The following SLC2A13 variants were observed in gnomAD, a reference collection of about 807,000 sequenced individuals.
The protein encoded by SLC2A13 is proton myo-inositol cotransporter.
SLC2A13 carries 32 observed loss-of-function variants against 64.4 expected under a neutral mutation model. That is an observed-to-expected ratio of 0.50 (90% CI 0.37 to 0.67). The LOEUF is 0.67. Ranked by LOEUF, SLC2A13 falls within the 30% of genes least tolerant of loss-of-function variation. The probability of loss-of-function intolerance (pLI) is 0.00; values close to 1 mark genes in which losing one functional copy is unlikely to be tolerated. For missense variants in SLC2A13, 743 were observed against 829.2 expected (o/e 0.90, Z 1.28); for synonymous variants, 338 against 327.1 (o/e 1.03, Z -0.36).
intron 3 of SLC2A13, among the ~76,000 whole-genome samples, chr12:39,956,454 T>G (rs1319493874): frequency 6.6e-6 from 1 of 152,216 alleles, no homozygotes; most frequent in African/African-American, 2.4e-5. Context: ...ATGTAAATTA[T>G]TCCTCAATAG....
chr12:39,928,627 T>C (rs1471185406), intron 4 of SLC2A13, among the ~76,000 whole-genome samples: 1 of 152,216 alleles, frequency 6.6e-6, no homozygotes, highest in Non-Finnish European at 1.5e-5. Context: ...TTAAATGGCT[T>C]ATGAAAGATG....
chr12:39,773,270 T>A (rs868274644), intron 7 of SLC2A13, among the ~76,000 whole-genome samples: 1 of 152,172 alleles, frequency 6.6e-6, no homozygotes, highest in Non-Finnish European at 1.5e-5. Context: ...CAGAATTGCA[T>A]GCAATCAGGT....
intron 6 of SLC2A13, among the ~76,000 whole-genome samples, chr12:39,832,597 T>A (rs574811387): frequency 6.6e-6 from 1 of 152,216 alleles, no homozygotes; most frequent in Non-Finnish European, 1.5e-5. Flanking sequence ...ACCTACTATG[T>A]GCCACACACT....
intron 2 of SLC2A13, among the ~76,000 whole-genome samples, chr12:40,042,842 G>A (rs1383881395): frequency 6.6e-6 from 1 of 150,704 alleles, no homozygotes; most frequent in Non-Finnish European, 1.5e-5. Flanking sequence ...ATTATGAAAA[G>A]ACAAAGGAAC....
chr12:39,778,046 T>A (rs1940840198), intron 7 of SLC2A13, among the ~76,000 whole-genome samples: 1 of 152,166 alleles, frequency 6.6e-6, no homozygotes, highest in South Asian at 2.1e-4. Flanking sequence ...CCCTAGACAC[T>A]GCCATGGGGT....
At chr12:40,015,239 A>C (rs1195945171) in intron 3 of SLC2A13, among the ~76,000 whole-genome samples, 6 of 151,790 alleles carry the variant, frequency 4.0e-5, no homozygotes, top group Non-Finnish European at 8.8e-5. Flanking sequence ...AGCCAAGGAG[A>C]CCTATGCAAT....
intron 4 of SLC2A13, among the ~76,000 whole-genome samples, chr12:39,948,999 C>T (rs142692650): frequency 1.3e-5 from 2 of 152,158 alleles, no homozygotes; most frequent in Non-Finnish European, 2.9e-5. Context: ...AAGATACATA[C>T]ATATACACAC....
intron 1 of SLC2A13, among the ~76,000 whole-genome samples, chr12:40,104,797 C>G (rs1939249793): frequency 1.3e-5 from 2 of 152,184 alleles, no homozygotes. Flanking sequence ...TGTAACTTGA[C>G]GATGGTCTAG....
chr12:40,066,153 T>G (rs973061362), intron 1 of SLC2A13, among the ~76,000 whole-genome samples: 6 of 152,130 alleles, frequency 3.9e-5, no homozygotes. Context: ...TAACTTTGAG[T>G]CCCTGGAACC....
chr12:40,015,124 A>G (rs1787931827), intron 3 of SLC2A13, among the ~76,000 whole-genome samples: 1 of 152,144 alleles, frequency 6.6e-6, no homozygotes, highest in South Asian at 2.1e-4. Context: ...TTATCTGAGT[A>G]CTTAAGACTA....
At chr12:39,974,358 G>A (rs1946725289) in intron 3 of SLC2A13, among the ~76,000 whole-genome samples, 1 of 152,156 alleles carries the variant, frequency 6.6e-6, no homozygotes, top group African/African-American at 2.4e-5. Flanking sequence ...AGAGAGGGTT[G>A]GGGCCATATC....
intron 3 of SLC2A13, among the ~76,000 whole-genome samples, chr12:39,996,381 C>T (rs1030436823): frequency 1.3e-5 from 2 of 152,188 alleles, no homozygotes; most frequent in African/African-American, 4.8e-5. Flanking sequence ...GGAAAATTTG[C>T]AGCCTGACAA....
chr12:40,100,969 CAAAAAAAAAAA>C (rs10633826), intron 1 of SLC2A13, among the ~76,000 whole-genome samples: 1 of 84,690 alleles, frequency 1.2e-5, no homozygotes, highest in African/African-American at 4.9e-5. Flanking sequence ...CCATCTCAGA[CAAAAAAAAAAA>C]AAAAAAAAAA....
chr12:40,075,837 T>A (rs922533940), intron 1 of SLC2A13, among the ~76,000 whole-genome samples: 12 of 152,174 alleles, frequency 7.9e-5, no homozygotes, highest in African/African-American at 2.9e-4. Context: ...ATTACTTATA[T>A]TTATCTGTCT....
chr12:39,834,221 C>A (rs2135856322), intron 6 of SLC2A13, among the ~76,000 whole-genome samples: 1 of 152,196 alleles, frequency 6.6e-6, no homozygotes, highest in East Asian at 1.9e-4. Context: ...CCCATTATGA[C>A]TCTTGAGATA....
At chr12:39,905,542 C>A (rs1945249082) in intron 4 of SLC2A13, among the ~76,000 whole-genome samples, 1 of 152,038 alleles carries the variant, frequency 6.6e-6, no homozygotes, top group Non-Finnish European at 1.5e-5. Flanking sequence ...AGAATACTAC[C>A]TTTAAGTAAA....
chr12:40,040,680 T>C (rs984885321), intron 2 of SLC2A13, among the ~76,000 whole-genome samples: 1 of 152,182 alleles, frequency 6.6e-6, no homozygotes, highest in African/African-American at 2.4e-5. Flanking sequence ...GCATAAGCCA[T>C]GGCACCTGGC....
At chr12:39,880,695 T>G (rs1323309300) in intron 4 of SLC2A13, among the ~76,000 whole-genome samples, 1 of 152,202 alleles carries the variant, frequency 6.6e-6, no homozygotes, top group Non-Finnish European at 1.5e-5. Flanking sequence ...ATAAGGGATT[T>G]CTACATATGC....
intron 4 of SLC2A13, among the ~76,000 whole-genome samples, chr12:39,913,137 T>C (rs765668948): frequency 3.3e-5 from 5 of 151,718 alleles, no homozygotes; most frequent in African/African-American, 7.3e-5. Context: ...AAAAAACATA[T>C]AGAATGAAAA....
Sources: allele counts gnomAD v4.1 joint callset (sites outside exome capture counted in the v4.1 genomes callset), GRCh38; gene constraint gnomAD v4.1.1; transcripts MANE v1.5; gene names NCBI Gene and HGNC (gene_info 2026-07-23, HGNC 2026-07-21).